ZNF483: variants seen among roughly 807,000 people sequenced by gnomAD.
The protein encoded by ZNF483 is zinc finger protein 483.
A neutral mutation model predicts 28.6 loss-of-function variants in ZNF483; 9 were observed. That is an observed-to-expected ratio of 0.32 (90% confidence interval 0.19 to 0.55). The LOEUF (loss-of-function observed/expected upper bound fraction) is 0.55, where lower values mean the gene tolerates loss of function less well. Among genes scored for constraint, ZNF483 ranks in the 20% least tolerant of loss-of-function variants. ZNF483 has a pLI of 0.93. For missense variants in ZNF483, 675 were observed against 871.7 expected, an observed-to-expected ratio of 0.77 and a Z score of 2.84; for synonymous variants, 322 against 306.2, an observed-to-expected ratio of 1.05 and a Z score of -0.54.
chr9:111,557,884 C>T (rs1308329893), downstream of ZNF483, among the ~76,000 whole-genome samples: 1 of 152,160 alleles, frequency 6.6e-6, no homozygotes, highest in African/African-American at 2.4e-5. Flanking sequence ...CATGGTAGCT[C>T]ATGCCTGTAA....
intron 5 of ZNF483, chr9:111,574,634 T>A: frequency 1.4e-6 from 1 of 729,668 alleles, no homozygotes; most frequent in Non-Finnish European, 2.2e-6. Flanking sequence ...TATATGAAAA[T>A]CTTTCTAATA....
chr9:111,570,793 A>G (rs1484924848), intron 5 of ZNF483, among the ~76,000 whole-genome samples: 2 of 152,084 alleles, frequency 1.3e-5, no homozygotes. Context: ...AAATAAAAAG[A>G]AAAAAAGAAC....
At chr9:111,573,245 A>G (rs1038895316) in intron 5 of ZNF483, among the ~76,000 whole-genome samples, 4 of 152,246 alleles carry the variant, frequency 2.6e-5, no homozygotes, top group African/African-American at 9.6e-5. Flanking sequence ...ACAATTTCCC[A>G]TGATTCCAGC....
At chr9:111,573,605 G>A (rs10122842) in intron 5 of ZNF483, among the ~76,000 whole-genome samples, 43,194 of 151,928 alleles carry the variant, frequency 0.28, 7,425 homozygotes, top group Non-Finnish European at 0.4. Context: ...TAGGTAATTT[G>A]TGATCTCTCT....
intron 5 of ZNF483, chr9:111,539,459 A>G (rs1827613701): frequency 2.2e-6 from 1 of 455,726 alleles, no homozygotes; most frequent in Non-Finnish European, 4.4e-6. Context: ...GTGTGATTTG[A>G]TAAAGGTTCA....
rs1480774085 is a variant in ZNF483 at position 111,547,452 on chromosome 9, A to G, written c.*4282A>G. On this transcript the variant is annotated 3_prime_UTR_variant, in exon 6 of 6. Coordinates refer to ENST00000309235, the MANE Select transcript of ZNF483 (RefSeq NM_133464.5). ...ACCATTTGTATCTCTTCTTTGGAGA[A>G]ATGTTTATTGAAGTCCTTTGCCCAT... is the stretch of plus-strand genomic sequence containing the variant. 6.6e-6 allele frequency among the ~76,000 whole-genome samples: 1 copy of G among 152,072 alleles called. No homozygotes were observed. The highest frequency in any genetic ancestry group is 1.5e-5 in the Non-Finnish European group (1 of 68,000).
chr9:111,552,141 G>A lies in ZNF483; in HGVS notation c.*8971G>A, dbSNP rs1217507812. Among the ~76,000 whole-genome samples, 1 of 152,120 alleles carries A rather than the reference G, an allele frequency of 6.6e-6. No homozygotes were observed. Among genetic ancestry groups the A allele is most frequent in the Non-Finnish European group, 1.5e-5 (1 of 68,006 alleles). On this transcript the variant is annotated 3_prime_UTR_variant, in exon 6 of 6. Coordinates refer to ENST00000309235, the MANE Select transcript of ZNF483 (RefSeq NM_133464.5). Reference sequence around the variant, plus strand: ...AATGTGAATCACAGTGCTACTTTTTGTCTTTGATTGAATATTTGGTAAGCA... The same window carrying A: ...AATGTGAATCACAGTGCTACTTTTTATCTTTGATTGAATATTTGGTAAGCA...
chr9:111,561,944 G>A (rs1828335883), intron 5 of ZNF483, among the ~76,000 whole-genome samples: 1 of 150,190 alleles, frequency 6.7e-6, no homozygotes, highest in Non-Finnish European at 1.5e-5. Flanking sequence ...GGAGTGCAAT[G>A]GCACAATATC....
At chr9:111,558,485 C>A (rs2132301274), downstream of ZNF483, among the ~76,000 whole-genome samples, 1 of 152,242 alleles carries the variant, frequency 6.6e-6, no homozygotes, top group Non-Finnish European at 1.5e-5. Flanking sequence ...TGAAGTCAGC[C>A]TGGACAACAT....
intron 5 of ZNF483, among the ~76,000 whole-genome samples, chr9:111,537,643 T>C (rs1194766356): frequency 6.6e-6 from 1 of 151,964 alleles, no homozygotes; most frequent in Non-Finnish European, 1.5e-5. Context: ...TATTATTATT[T>C]TGTGACAGGG....
chr9:111,542,416 C>G lies in ZNF483; in HGVS notation c.1481C>G (p.Pro494Arg). 1 of 1,614,064 alleles carries G rather than the reference C, an allele frequency of 6.2e-7. No homozygotes were observed. Among genetic ancestry groups the G allele is most frequent in the Non-Finnish European group, 8.5e-7 (1 of 1,180,014 alleles). ...PHHRTHSGEK[P>R]FKCDDCGKGF... ...CATAGAACTCATAGTGGAGAGAAACCCTTCAAATGTGATGACTGTGGGAAA... is the reference window on the plus strand; with the variant it reads ...CATAGAACTCATAGTGGAGAGAAACGCTTCAAATGTGATGACTGTGGGAAA... Residue 494 changes from proline (P) to arginine (R), a missense_variant, in exon 6 of 6, where the codon CCC becomes CGC. Coordinates refer to ENST00000309235, the MANE Select transcript of ZNF483 (RefSeq NM_133464.5). This position sits in a 1 kb window ranked among gnomAD's most constrained non-coding sequence, Gnocchi z 6.2.
At chr9:111,574,434 C>T (rs1390743894) in intron 5 of ZNF483, 3 of 170,814 alleles carry the variant, frequency 1.8e-5, no homozygotes, top group East Asian at 1.5e-4. Context: ...ACTGCAGCCT[C>T]GCCTCCCAGG....
chr9:111,543,296 C>T lies in ZNF483; in HGVS notation c.*126C>T, dbSNP rs10759501. The T allele has an allele frequency of 0.73, 1,041,055 of 1,425,460 alleles. 381,964 individuals carry two copies. Among genetic ancestry groups the T allele is most frequent in the African/African-American group, 0.88 (61,128 of 69,234 alleles). 88.3% of individuals were successfully genotyped at this position (1,425,460 alleles called of 1,614,324 possible). A position where few individuals can be genotyped will look rare whatever the true frequency, so the allele number is the denominator to read the frequency against. On this transcript the variant is annotated 3_prime_UTR_variant, in exon 6 of 6. Transcript: ENST00000309235. ...GTAAATTGGCAGTTAGGAAAAATAT[C>T]CTTTTGCCCATTCATCCCTCTTCTT...
rs1827768594 is a variant in ZNF483, at chr9:111,544,854, C to T, written c.*1684C>T. Among the ~76,000 whole-genome samples, 1 of 152,148 alleles carries T rather than the reference C, an allele frequency of 6.6e-6. No homozygotes were observed. Among genetic ancestry groups the T allele is most frequent in the Non-Finnish European group, 1.5e-5 (1 of 68,022 alleles). ...CCCTGAATGAGTGAGGTTTTGGCTT[C>T]AGGTCATAGGGTTCTGGAGGAACCC... On this transcript the variant is annotated 3_prime_UTR_variant, in exon 6 of 6. Coordinates refer to ENST00000309235, the MANE Select transcript of ZNF483 (RefSeq NM_133464.5).
Position 111,543,387 on chromosome 9 carries a change from A to G in ZNF483, c.*217A>G, listed in dbSNP as rs766906064. The G allele has an allele frequency of 2.3e-6, 3 of 1,299,868 alleles. No individual in the cohort carries two copies. Among genetic ancestry groups the G allele is most frequent in the Non-Finnish European group, 2.9e-6 (3 of 1,026,512 alleles). The allele number at this position is 1,299,868 out of a possible 1,614,324, so 80.5% of individuals were successfully genotyped here. The stretch of plus-strand genomic sequence containing the variant: ...AAAGTCACTGGAAAGGGAAGAATGC[A>G]AAATGATTCTGAGGCCAGACGAATT... On this transcript the variant is annotated 3_prime_UTR_variant, in exon 6 of 6. Coordinates refer to ENST00000309235, the MANE Select transcript of ZNF483 (RefSeq NM_133464.5).
chr9:111,534,414 G>T, intron 5 of ZNF483, 61 bp downstream of exon 5: 1 of 1,415,608 alleles, frequency 7.1e-7, no homozygotes. Flanking sequence ...CTGTTGAGAA[G>T]ACTCTTTGAA....
downstream of ZNF483, among the ~76,000 whole-genome samples, chr9:111,557,119 C>T (rs1416499835): frequency 6.6e-6 from 1 of 152,206 alleles, no homozygotes; most frequent in Admixed American, 6.5e-5. Context: ...CCTCATGCAG[C>T]ATTTCCGCAG....
At chr9:111,533,409 C>G (rs940934434) in intron 3 of ZNF483, among the ~76,000 whole-genome samples, 2 of 152,206 alleles carry the variant, frequency 1.3e-5, no homozygotes, top group African/African-American at 4.8e-5. Context: ...AGGCTGGGCA[C>G]AGTGGCTCAG....
chr9:111,541,695 A>G lies in ZNF483; in HGVS notation c.760A>G (p.Arg254Gly). The G allele has an allele frequency of 6.2e-7, 1 of 1,612,906 alleles. No individual in the cohort carries two copies. The highest frequency in any genetic ancestry group is 8.5e-7 in the Non-Finnish European group (1 of 1,179,730). Residue 254 changes from arginine (R) to glycine (G), a missense_variant, in exon 6 of 6, where the codon AGG becomes GGG. Around this residue, in one of 6 missense-constraint regions of ZNF483, gnomAD observed 525 missense variants for 581.8 expected, o/e 0.90. Coordinates refer to ENST00000309235, the MANE Select transcript of ZNF483 (RefSeq NM_133464.5). ...AGATAAAATAATAGAAAGGTGCCTC[A>G]GGGATGATGATCATGGCTTGATGGA... The part of the protein sequence containing the change: ...ALDKIIERCL[R>G]DDDHGLMEES...
Sources: gnomAD v4.1 joint callset for allele counts (sites outside exome capture counted in the v4.1 genomes callset) on GRCh38, gnomAD v4.1.1 for gene constraint, gnomAD v4.1.1 regional missense constraint, Gnocchi (gnomAD v3.1) non-coding constraint, MANE v1.5 for transcripts, NCBI Gene and HGNC (gene_info 2026-07-23, HGNC 2026-07-21) for gene names.